KCNJ1: variants seen among roughly 807,000 people sequenced by gnomAD.
KCNJ1 encodes potassium inwardly rectifying channel subfamily J member 1.
A neutral mutation model predicts 21.9 loss-of-function variants in KCNJ1; 24 were observed. That is an observed-to-expected ratio of 1.10 (90% CI 0.79 to 1.54). KCNJ1 has a LOEUF of 1.54. Ranked by LOEUF, KCNJ1 falls within the 40% of genes most tolerant of loss-of-function variation. The pLI is 0.00. For synonymous variants in KCNJ1, 152 were observed against 160.9 expected (o/e 0.94, Z 0.42); for missense variants, 457 against 455.4 (o/e 1.00, Z -0.03).
intron 2 of KCNJ1, chr11:128,842,434 G>A (rs1943298864): frequency 6.2e-7 from 1 of 1,613,656 alleles, no homozygotes; most frequent in South Asian, 1.1e-5. Flanking sequence ...AAAAAGCAAG[G>A]AAGTGGTGCT....
At chr11:128,860,298 T>G (rs1378186657) in intron 1 of KCNJ1, among the ~76,000 whole-genome samples, 6 of 152,200 alleles carry the variant, frequency 3.9e-5, no homozygotes, top group African/African-American at 1.4e-4. Context: ...GAAGAACTGT[T>G]GACTAGACAG....
intron 2 of KCNJ1, among the ~76,000 whole-genome samples, chr11:128,844,295 C>T (rs182127203): frequency 6.6e-6 from 1 of 152,294 alleles, no homozygotes. Context: ...AATAATGGAG[C>T]ATAGAAAGCC....
chr11:128,864,981 G>A (rs1468645740), intron 1 of KCNJ1, among the ~76,000 whole-genome samples: 2 of 152,022 alleles, frequency 1.3e-5, no homozygotes, highest in African/African-American at 4.8e-5. Flanking sequence ...AAGTTCCTCA[G>A]CATCACATAC....
At chr11:128,851,571 A>T (rs1252252762) in intron 1 of KCNJ1, among the ~76,000 whole-genome samples, 1 of 152,196 alleles carries the variant, frequency 6.6e-6, no homozygotes, top group Non-Finnish European at 1.5e-5. Context: ...TTTATTAAAA[A>T]GTTGTAGCTA....
chr11:128,859,261 G>A (rs965359574), intron 1 of KCNJ1, among the ~76,000 whole-genome samples: 2 of 152,200 alleles, frequency 1.3e-5, no homozygotes, highest in African/African-American at 2.4e-5. Flanking sequence ...GGGTAGGAAC[G>A]CAGCTCTTTT....
chr11:128,845,806 C>T (rs1943369983), intron 2 of KCNJ1, among the ~76,000 whole-genome samples: 1 of 152,258 alleles, frequency 6.6e-6, no homozygotes, highest in Middle Eastern at 3.4e-3. Flanking sequence ...GAATACCCTA[C>T]TTTTTTGTAG....
intron 1 of KCNJ1, among the ~76,000 whole-genome samples, chr11:128,861,356 G>T (rs1026719840): frequency 1.3e-5 from 2 of 152,200 alleles, no homozygotes; most frequent in African/African-American, 4.8e-5. Flanking sequence ...AATGGGGATG[G>T]TACCATGGAG....
Position 128,839,953 on chromosome 11 carries a change from G to A in KCNJ1, c.291C>T (p.Ala97=). 1 of 1,614,142 alleles carries A rather than the reference G, an allele frequency of 6.2e-7. No individual in the cohort carries two copies. Among genetic ancestry groups the A allele is most frequent in the Non-Finnish European group, 8.5e-7 (1 of 1,179,992 alleles). ...HKDLPEFHPS[A]NHTPCVENIN... is the part of the protein sequence containing the mutation. ...TATTCTCCACACAGGGAGTGTGATT[G>A]GCAGAAGGATGGAATTCCGGGAGGT... The change falls in exon 3 of 3, where the codon GCC becomes GCT. Residue 97 remains alanine (A), a synonymous_variant. Coordinates refer to ENST00000392666, the MANE Select transcript of KCNJ1 (RefSeq NM_153766.3).
chr11:128,860,042 C>A (rs1034777038), intron 1 of KCNJ1, among the ~76,000 whole-genome samples: 8 of 130,170 alleles, frequency 6.1e-5, no homozygotes, highest in East Asian at 3.0e-4. Context: ...TGGCGCCTGC[C>A]GAGGGCACTG....
chr11:128,858,935 T>A (rs1265680940), intron 1 of KCNJ1, among the ~76,000 whole-genome samples: 1 of 152,234 alleles, frequency 6.6e-6, no homozygotes, highest in South Asian at 2.1e-4. Context: ...AAGGTGGTAG[T>A]GTATTTGCTA....
At position 128,840,095 on chromosome 11, in the gene KCNJ1, C is replaced by G. The variant is rs1404393759; in HGVS notation, c.149G>C (p.Trp50Ser). The change falls in exon 3 of 3, where the codon TGG (tryptophan) becomes TCG (serine). Residue 50 changes from tryptophan (W) to serine (S), a missense_variant. By Grantham distance (177) the Trp-to-Ser change is radical. Coordinates refer to ENST00000392666, the MANE Select transcript of KCNJ1 (RefSeq NM_153766.3). ...CCACTTGAGGTCAAGTACCGTTGTC[C>G]AGATGTCCACAAAGAATATAAACCT... ...QSRFIFFVDI[W>S]TTVLDLKWRY... 6.2e-7 allele frequency: 1 copy of G among 1,614,140 alleles called. No homozygotes were observed. The highest frequency in any genetic ancestry group is 2.2e-5 in the East Asian group (1 of 44,882).
intron 2 of KCNJ1, among the ~76,000 whole-genome samples, chr11:128,849,764 T>C (rs978204254): frequency 1.3e-5 from 2 of 152,214 alleles, no homozygotes; most frequent in Non-Finnish European, 2.9e-5. Flanking sequence ...CCTGAGGTTG[T>C]GGGAGTGACA....
At chr11:128,845,202 T>C (rs1382795345) in intron 2 of KCNJ1, among the ~76,000 whole-genome samples, 1 of 152,244 alleles carries the variant, frequency 6.6e-6, no homozygotes, top group Non-Finnish European at 1.5e-5. Context: ...GCATCTACTA[T>C]ATACCAGGTG....
chr11:128,841,091 T>G (rs1943274398), intron 2 of KCNJ1, among the ~76,000 whole-genome samples: 1 of 152,126 alleles, frequency 6.6e-6, no homozygotes, highest in Non-Finnish European at 1.5e-5. Context: ...AACCAGATGG[T>G]CTCATAGGGC....
chr11:128,857,775 G>A (rs1463367888), intron 1 of KCNJ1, among the ~76,000 whole-genome samples: 3 of 152,198 alleles, frequency 2.0e-5, no homozygotes, highest in Non-Finnish European at 4.4e-5. Context: ...CCTGTGCAAT[G>A]GCTCAGGATG....
intron 2 of KCNJ1, chr11:128,842,301 T>C (rs1943295773): frequency 6.8e-7 from 1 of 1,469,076 alleles, no homozygotes; most frequent in African/African-American, 1.4e-5. Flanking sequence ...TTGAATAACG[T>C]TGAGTTTCCA....
intron 2 of KCNJ1, among the ~76,000 whole-genome samples, chr11:128,842,886 G>A (rs1148058): frequency 0.16 from 24,851 of 152,168 alleles, 2,303 homozygotes; most frequent in East Asian, 0.35. Context: ...TCACAAAGAT[G>A]CAGGTGAACA....
intron 2 of KCNJ1, among the ~76,000 whole-genome samples, chr11:128,842,961 T>C (rs1439843322): frequency 6.6e-6 from 1 of 152,208 alleles, no homozygotes; most frequent in Non-Finnish European, 1.5e-5. Context: ...CAAGATACCA[T>C]GTTAATCTCT....
intron 1 of KCNJ1, 68 bp downstream of exon 1, chr11:128,867,104 AG>A (rs1356101314): frequency 6.6e-6 from 1 of 152,160 alleles, no homozygotes; most frequent in Admixed American, 6.5e-5. Flanking sequence ...CGGGGAAAAG[AG>A]GTCTAAATTT....
Sources: allele counts gnomAD v4.1 joint callset (sites outside exome capture counted in the v4.1 genomes callset), GRCh38; gene constraint gnomAD v4.1.1; transcripts MANE v1.5; gene names NCBI Gene and HGNC (gene_info 2026-07-23, HGNC 2026-07-21).